Variants in FMNL2 observed in about 807,000 individuals in gnomAD.
FMNL2 encodes the protein formin like 2, also known as formin-like protein 2.
A neutral mutation model predicts 130.2 loss-of-function variants in FMNL2; 51 were observed. The ratio of observed to expected loss-of-function variants is 0.39; its 90% CI spans 0.31 to 0.49. The LOEUF (loss-of-function observed/expected upper bound fraction) is 0.49, where lower values mean the gene tolerates loss of function less well. FMNL2 is among the 20% of genes least tolerant of loss of function. The pLI, the probability that FMNL2 is intolerant of heterozygous loss-of-function variation, is 0.85. For missense variants in FMNL2, 977 were observed against 1,316.2 expected (o/e 0.74, Z 3.99); for synonymous variants, 465 against 467.1 (o/e 1.00, Z 0.06).
chr2:152,633,831 C>T (rs901037499), intron 21 of FMNL2, among the ~76,000 whole-genome samples: 13 of 152,200 alleles, frequency 8.5e-5, no homozygotes, highest in Admixed American at 5.2e-4. Context: ...TGAAAAACAT[C>T]GGTGGGGAAA....
intron 21 of FMNL2, among the ~76,000 whole-genome samples, chr2:152,633,418 A>T (rs578005526): frequency 6.6e-6 from 1 of 152,234 alleles, no homozygotes; most frequent in Non-Finnish European, 1.5e-5. Flanking sequence ...TCTTAAGGGT[A>T]TATCAGGTTT....
chr2:152,584,325 G>A (rs1475128811), intron 9 of FMNL2, among the ~76,000 whole-genome samples: 1 of 152,154 alleles, frequency 6.6e-6, no homozygotes, highest in Non-Finnish European at 1.5e-5. Context: ...AGGATACCAG[G>A]AAGGAGGACC....
chr2:152,382,671 G>A (rs973713022), intron 1 of FMNL2, among the ~76,000 whole-genome samples: 1 of 152,036 alleles, frequency 6.6e-6, no homozygotes, highest in Admixed American at 6.5e-5. Context: ...GAAAGGAAAC[G>A]ATGTGAGGTG....
intron 17 of FMNL2, among the ~76,000 whole-genome samples, chr2:152,627,774 C>T (rs1323200786): frequency 2.0e-5 from 3 of 152,164 alleles, no homozygotes; most frequent in African/African-American, 7.2e-5. Flanking sequence ...TAACCTAAAA[C>T]ATTCAATAAT....
intron 9 of FMNL2, among the ~76,000 whole-genome samples, chr2:152,607,002 T>G (rs72871109): frequency 0.069 from 9,046 of 130,626 alleles, 427 homozygotes; most frequent in African/African-American, 0.16. Flanking sequence ...CGTTTTTTTT[T>G]TTTGTTTTTT....
intron 1 of FMNL2, among the ~76,000 whole-genome samples, chr2:152,509,919 A>C (rs1248567227): frequency 2.0e-5 from 3 of 151,360 alleles, no homozygotes; most frequent in African/African-American, 4.9e-5. Context: ...CAATTAAAAA[A>C]GTTTCTCTTT....
At chr2:152,568,833 G>A (rs1696008779) in intron 6 of FMNL2, among the ~76,000 whole-genome samples, 1 of 152,124 alleles carries the variant, frequency 6.6e-6, no homozygotes, top group Non-Finnish European at 1.5e-5. Flanking sequence ...GATACATGGG[G>A]ATTATGGGAA....
intron 1 of FMNL2, among the ~76,000 whole-genome samples, chr2:152,508,388 A>C (rs989422998): frequency 6.6e-6 from 1 of 152,342 alleles, no homozygotes; most frequent in Non-Finnish European, 1.5e-5. Flanking sequence ...TTGGAGTTGC[A>C]TTTCCCTCTG....
At chr2:152,340,017 T>C (rs1017161778) in intron 1 of FMNL2, among the ~76,000 whole-genome samples, 1 of 151,590 alleles carries the variant, frequency 6.6e-6, no homozygotes, top group Non-Finnish European at 1.5e-5. Flanking sequence ...CCTGTCTCTA[T>C]GAAAAAAGAA....
At chr2:152,421,605 C>T (rs527961119) in intron 1 of FMNL2, among the ~76,000 whole-genome samples, 1 of 152,276 alleles carries the variant, frequency 6.6e-6, no homozygotes, top group East Asian at 1.9e-4. Context: ...TGGCTTTCTC[C>T]AAAGCCTTCT....
In FMNL2 at chr2:152,406,130, TA is replaced by T. The variant is rs557150706; in HGVS notation, c.117+70411del. On this transcript the variant is annotated intron_variant, in intron 1 of 25. Transcript: ENST00000288670. The stretch of plus-strand genomic sequence containing the variant: ...CTGAAATGTTATGATTCCCTATGTC[TA>T]TAAGTGTATGCTGCACATTTTTTTC... Among the ~76,000 whole-genome samples the T allele has an allele frequency of 7.4e-4, 104 of 140,818 alleles. No homozygotes were observed. In the East Asian group the frequency reaches 0.018, roughly 24 times the overall value. The allele number at this position is 140,818 out of a possible 152,430, so 92.4% of individuals were successfully genotyped here.
rs1376054574 is a variant in FMNL2, at chr2:152,375,869, C to CTA, written c.117+40150_117+40151insAT. Among the ~76,000 whole-genome samples, 349 of 113,234 alleles carry CTA rather than the reference C, an allele frequency of 3.1e-3. 1 individual carries two copies. The highest frequency in any genetic ancestry group is 0.01 in the African/African-American group (313 of 29,908). The allele number at this position is 113,234 out of a possible 152,430, so 74.3% of individuals were successfully genotyped here. The stretch of plus-strand genomic sequence containing the variant: ...ATTGAAGCTCTCTCTCTCTCTCTCT[C>CTA]TCTCTCTCTATATATATATATATAT... On this transcript the variant is annotated intron_variant, in intron 1 of 25. Transcript: ENST00000288670.
rs569412063 is a variant in FMNL2, at chr2:152,426,589, A to C, written c.117+90869A>C. Among the ~76,000 whole-genome samples, 10 of 152,308 alleles carry C rather than the reference A, an allele frequency of 6.6e-5. No individual in the cohort carries two copies. In the South Asian group the frequency reaches 2.1e-3, roughly 32 times the overall value. ...TTCTTTTGATCATCAGTGCAGACAC[A>C]GTGGTTCGACTTCATTAGTCAGAGG... On this transcript the variant is annotated intron_variant, in intron 1 of 25. Transcript: ENST00000288670.
At chr2:152,382,732 T>G (rs759384799) in intron 1 of FMNL2, among the ~76,000 whole-genome samples, 2 of 152,126 alleles carry the variant, frequency 1.3e-5, no homozygotes, top group African/African-American at 2.4e-5. Flanking sequence ...CAATATAAAC[T>G]TATATAAAAA....
At chr2:152,624,219 G>A (rs1681608060) in intron 15 of FMNL2, among the ~76,000 whole-genome samples, 2 of 150,642 alleles carry the variant, frequency 1.3e-5, no homozygotes, top group African/African-American at 2.4e-5. Flanking sequence ...GTGCTATGGC[G>A]TGATCTCGGT....
chr2:152,409,549 G>T (rs1686173101), intron 1 of FMNL2, among the ~76,000 whole-genome samples: 1 of 152,236 alleles, frequency 6.6e-6, no homozygotes, highest in Admixed American at 6.5e-5. Context: ...AAGTTTCACA[G>T]TCTTGTGGAT....
intron 1 of FMNL2, among the ~76,000 whole-genome samples, chr2:152,480,987 A>G (rs767719816): frequency 5.9e-5 from 9 of 152,152 alleles, no homozygotes; most frequent in Non-Finnish European, 1.3e-4. Context: ...CATTCATTGG[A>G]TTTTGCAAGA....
At chr2:152,485,225 G>A (rs1263558078) in intron 1 of FMNL2, among the ~76,000 whole-genome samples, 2 of 152,172 alleles carry the variant, frequency 1.3e-5, no homozygotes, top group African/African-American at 2.4e-5. Context: ...GGGCACGGTG[G>A]CTCACGCCTG....
chr2:152,342,288 T>G (rs1681856504), intron 1 of FMNL2, among the ~76,000 whole-genome samples: 1 of 152,186 alleles, frequency 6.6e-6, no homozygotes, highest in African/African-American at 2.4e-5. Context: ...GAAGCACTGA[T>G]TATAGATGAT....
Sources: gnomAD v4.1 joint callset for allele counts (sites outside exome capture counted in the v4.1 genomes callset) on GRCh38, gnomAD v4.1.1 for gene constraint, MANE v1.5 for transcripts, NCBI Gene and HGNC (gene_info 2026-07-23, HGNC 2026-07-21) for gene names.